Variants in SLCO6A1 observed in about 807,000 individuals in gnomAD.
The protein encoded by SLCO6A1 is cancer/testis antigen 48.
SLCO6A1 carries 65 observed loss-of-function variants against 72.7 expected under a neutral mutation model. That is an observed-to-expected ratio of 0.89 (90% CI 0.73 to 1.10). The LOEUF (loss-of-function observed/expected upper bound fraction) is 1.10, where lower values mean the gene tolerates loss of function less well. SLCO6A1 is among the 50% of genes least tolerant of loss of function. SLCO6A1 has a pLI of 0.00. For missense variants in SLCO6A1, 874 were observed against 872.6 expected, an observed-to-expected ratio of 1.00 and a Z score of -0.02; for synonymous variants, 314 against 298.2, an observed-to-expected ratio of 1.05 and a Z score of -0.55.
chr5:102,404,426 C>T (rs773828711), intron 9 of SLCO6A1, among the ~76,000 whole-genome samples: 1 of 152,024 alleles, frequency 6.6e-6, no homozygotes, highest in African/African-American at 2.4e-5. Flanking sequence ...ACCGGGGAGG[C>T]GGAGCTTGCA....
At chr5:102,458,567 C>G (rs1750864666) in intron 5 of SLCO6A1, 76 bp from the exon 6 acceptor site, 1 of 889,440 alleles carries the variant, frequency 1.1e-6, no homozygotes, top group Admixed American at 2.5e-5. Flanking sequence ...ACATACACAC[C>G]CTAATAAATT....
At chr5:102,442,879 T>A (rs1272662119) in intron 6 of SLCO6A1, among the ~76,000 whole-genome samples, 1 of 142,194 alleles carries the variant, frequency 7.0e-6, no homozygotes, top group Non-Finnish European at 1.6e-5. Context: ...CTGGCCAACA[T>A]GGTGAAACCC....
intron 10 of SLCO6A1, among the ~76,000 whole-genome samples, chr5:102,392,080 A>G (rs559784271): frequency 4.5e-4 from 68 of 152,098 alleles, no homozygotes; most frequent in Non-Finnish European, 3.8e-4. Flanking sequence ...AAACTCGAAC[A>G]ATAAACTATA....
chr5:102,397,264 TACTC>T (rs1347649918), intron 10 of SLCO6A1, among the ~76,000 whole-genome samples: 1 of 152,186 alleles, frequency 6.6e-6, no homozygotes, highest in Non-Finnish European at 1.5e-5. Context: ...CTTTTCTACT[TACTC>T]ATTTTTGAAT....
chr5:102,436,214 T>C (rs547168129), intron 7 of SLCO6A1, among the ~76,000 whole-genome samples: 1 of 152,318 alleles, frequency 6.6e-6, no homozygotes, highest in South Asian at 2.1e-4. Context: ...AAGAATTTAG[T>C]GTGATTCCCA....
intron 10 of SLCO6A1, among the ~76,000 whole-genome samples, chr5:102,395,652 C>G (rs1292959666): frequency 6.6e-6 from 1 of 152,144 alleles, no homozygotes; most frequent in African/African-American, 2.4e-5. Context: ...TTTACAGACC[C>G]ACCAACAGTG....
rs151170027 is a variant in SLCO6A1, at chr5:102,465,292, C to T, written c.900-5515G>A. Among the ~76,000 whole-genome samples, 1,373 of 148,676 alleles carry T rather than the reference C, an allele frequency of 9.2e-3. 14 individuals are homozygous for T. The highest frequency in any genetic ancestry group is 0.045 in the Middle Eastern group (13 of 290). Reference sequence around the variant, plus strand: ...AATAACCCCAGGAGCATCGCTTGACCAACAATTTCTAGGAGTTAGTGGATA... The same window carrying T: ...AATAACCCCAGGAGCATCGCTTGACTAACAATTTCTAGGAGTTAGTGGATA... On this transcript the variant is annotated intron_variant, in intron 4 of 13. Transcript: ENST00000506729.
intron 7 of SLCO6A1, among the ~76,000 whole-genome samples, chr5:102,420,592 G>A (rs1254160524): frequency 6.6e-6 from 1 of 152,036 alleles, no homozygotes; most frequent in Non-Finnish European, 1.5e-5. Context: ...GGAGGGGGAG[G>A]AGGAGGAGGA....
chr5:102,459,597 A>G, intron 5 of SLCO6A1, 59 bp downstream of exon 5: 5 of 1,495,896 alleles, frequency 3.3e-6, no homozygotes, highest in Non-Finnish European at 4.5e-6. Context: ...TATGAGAATA[A>G]GAACCATGGT....
At chr5:102,440,780 T>A (rs1749792837) in intron 6 of SLCO6A1, among the ~76,000 whole-genome samples, 1 of 152,214 alleles carries the variant, frequency 6.6e-6, no homozygotes, top group African/African-American at 2.4e-5. Flanking sequence ...CAGAAGTAGA[T>A]AACATAATCA....
intron 13 of SLCO6A1, 28 bp downstream of exon 13, chr5:102,373,309 T>G: frequency 7.2e-7 from 1 of 1,393,134 alleles, no homozygotes. Context: ...AATATTTCAT[T>G]GATAGATTGA....
chr5:102,388,989 A>AGTTTT (rs1280339009), intron 11 of SLCO6A1, among the ~76,000 whole-genome samples, 164 bp from the exon 12 acceptor site: 8 of 152,348 alleles, frequency 5.3e-5, no homozygotes, highest in African/African-American at 1.9e-4. Flanking sequence ...ATCACTGGAA[A>AGTTTT]CAATGTGAGT....
At chr5:102,429,615 G>A (rs534392412) in intron 7 of SLCO6A1, among the ~76,000 whole-genome samples, 1 of 152,174 alleles carries the variant, frequency 6.6e-6, no homozygotes, top group Non-Finnish European at 1.5e-5. Context: ...GATGGTTGTA[G>A]GTGTGTGGCC....
At chr5:102,480,513 A>AGC in intron 1 of SLCO6A1, 79 bp from the exon 2 acceptor site, 1 of 1,310,050 alleles carries the variant, frequency 7.6e-7, no homozygotes, top group Non-Finnish European at 1.1e-6. Context: ...GCAAAATTTA[A>AGC]ATTACATGAT....
At chr5:102,472,064 C>T (rs1341533927) in intron 4 of SLCO6A1, among the ~76,000 whole-genome samples, 1 of 152,070 alleles carries the variant, frequency 6.6e-6, no homozygotes, top group Non-Finnish European at 1.5e-5. Context: ...CTGCCAATGA[C>T]TCTCAGTGGC....
chr5:102,457,568 G>A (rs1342661144), intron 6 of SLCO6A1, among the ~76,000 whole-genome samples: 2 of 152,198 alleles, frequency 1.3e-5, no homozygotes, highest in Non-Finnish European at 2.9e-5. Context: ...TCACACACCA[G>A]TTAGAATGGC....
At chr5:102,388,228 C>T (rs913519216) in intron 12 of SLCO6A1, among the ~76,000 whole-genome samples, 2 of 152,100 alleles carry the variant, frequency 1.3e-5, no homozygotes, top group Non-Finnish European at 2.9e-5. Flanking sequence ...AATTATCATT[C>T]TTTATTTGGG....
chr5:102,390,279 C>T (rs10062613), intron 11 of SLCO6A1, among the ~76,000 whole-genome samples: 95,644 of 151,978 alleles, frequency 0.63, 30,346 homozygotes, highest in Non-Finnish European at 0.65. Context: ...AATCTCTTAC[C>T]TAGTGAATCA....
At position 102,498,784 on chromosome 5, in the gene SLCO6A1, GCTCTA is replaced by G; in HGVS notation, c.56_60del (p.Val19AlafsTer11). The stretch of plus-strand genomic sequence containing the variant: ...GGCTGGGCCCGCGCGGCCTCCAGCG[GCTCTA>G]CTCCCCTTGAGACTTCATCCTGGCT... On this transcript the variant is annotated frameshift_variant, in exon 1 of 14. Coordinates refer to ENST00000506729, the MANE Select transcript of SLCO6A1 (RefSeq NM_173488.5). LOFTEE classifies it high-confidence loss of function. 1 of 1,614,004 alleles carries G rather than the reference GCTCTA, an allele frequency of 6.2e-7. No homozygotes were observed. The highest frequency in any genetic ancestry group is 8.5e-7 in the Non-Finnish European group (1 of 1,180,024).
Sources: allele counts gnomAD v4.1 joint callset (sites outside exome capture counted in the v4.1 genomes callset), GRCh38; gene constraint gnomAD v4.1.1; transcripts MANE v1.5; gene names NCBI Gene and HGNC (gene_info 2026-07-23, HGNC 2026-07-21).